The following MSL2 variants were observed in gnomAD, a reference collection of about 807,000 sequenced individuals.
MSL2 encodes MSL complex subunit 2, also known as E3 ubiquitin-protein ligase MSL2.
A neutral mutation model predicts 35.8 loss-of-function variants in MSL2; 2 were observed. The observed-to-expected ratio is 0.06, with a 90% CI of 0.02 to 0.18. The LOEUF (loss-of-function observed/expected upper bound fraction) is 0.18, where lower values mean the gene tolerates loss of function less well. MSL2 is among the 10% of genes least tolerant of loss of function. MSL2 has a pLI of 1.00. For missense variants in MSL2, 523 were observed against 706.7 expected (o/e 0.74, Z 2.95); for synonymous variants, 296 against 255.7 (o/e 1.16, Z -1.50).
intron 1 of MSL2, among the ~76,000 whole-genome samples, chr3:136,161,680 C>T (rs1003235032): frequency 6.6e-6 from 1 of 152,104 alleles, no homozygotes; most frequent in Admixed American, 6.6e-5. Flanking sequence ...ACAGTGGTTG[C>T]CTAGGGCTGA....
At chr3:136,179,010 C>G (rs1380131409) in intron 1 of MSL2, among the ~76,000 whole-genome samples, 3 of 115,426 alleles carry the variant, frequency 2.6e-5, no homozygotes, top group African/African-American at 1.0e-4. Context: ...TTTTAAGAGA[C>G]AAGGTCTCAC....
chr3:136,194,868 A>G (rs1366185899), intron 1 of MSL2, 104 bp downstream of exon 1: 73 of 1,525,382 alleles, frequency 4.8e-5, no homozygotes, highest in Middle Eastern at 1.7e-4. Flanking sequence ...ACAAATAACA[A>G]AAGCTTAATA....
rs1167083888 is a variant in MSL2, at chr3:136,195,781, A to T, written c.-668T>A. The T allele has an allele frequency of 1.0e-6, 1 of 984,634 alleles. No homozygotes were observed. Among genetic ancestry groups the T allele is most frequent in the Non-Finnish European group, 1.2e-6 (1 of 829,770 alleles). The allele number at this position is 984,634 out of a possible 1,614,324, so 61.0% of individuals were successfully genotyped here. On this transcript the variant is annotated 5_prime_UTR_variant, in exon 1 of 2. Coordinates refer to ENST00000309993, the MANE Select transcript of MSL2 (RefSeq NM_018133.4). ...CTCCGCCCCGTGGGTTGCAGCCCGC[A>T]GTTCCCCGAGGTGGCGAGGCGGGCG... is the stretch of plus-strand genomic sequence containing the variant.
chr3:136,173,715 T>G (rs1427005349), intron 1 of MSL2, among the ~76,000 whole-genome samples: 1 of 152,230 alleles, frequency 6.6e-6, no homozygotes, highest in African/African-American at 2.4e-5. Context: ...ATGATCTTTC[T>G]AAAACACAAG....
intron 1 of MSL2, among the ~76,000 whole-genome samples, chr3:136,190,789 A>C (rs1044472271): frequency 2.0e-5 from 3 of 151,944 alleles, no homozygotes; most frequent in African/African-American, 7.3e-5. Context: ...CTTTCTGATA[A>C]AGCAAGTCCA....
intron 1 of MSL2, among the ~76,000 whole-genome samples, chr3:136,188,605 C>G (rs1024913668): frequency 6.6e-6 from 1 of 151,628 alleles, no homozygotes; most frequent in Non-Finnish European, 1.5e-5. Flanking sequence ...TGAAATTTAG[C>G]AGGGCATTGA....
chr3:136,187,140 T>A (rs1940548667), intron 1 of MSL2, among the ~76,000 whole-genome samples: 1 of 152,200 alleles, frequency 6.6e-6, no homozygotes, highest in Admixed American at 6.5e-5. Flanking sequence ...GAAAGCACTG[T>A]GCTAAACATA....
intron 1 of MSL2, among the ~76,000 whole-genome samples, chr3:136,159,289 T>C (rs1576357745): frequency 6.6e-6 from 1 of 151,908 alleles, no homozygotes; most frequent in African/African-American, 2.4e-5. Flanking sequence ...AATTATTACA[T>C]TTATGGTCAA....
Position 136,152,523 on chromosome 3 carries a change from T to C in MSL2, c.358A>G (p.Ile120Val). The C allele has an allele frequency of 6.2e-7, 1 of 1,614,222 alleles. No individual in the cohort carries two copies. Among genetic ancestry groups the C allele is most frequent in the Non-Finnish European group, 8.5e-7 (1 of 1,180,030 alleles). The change falls in exon 2 of 2, where the codon ATA becomes GTA. Residue 120 changes from isoleucine to valine, a missense_variant. This residue lies in a region of MSL2 where 361 missense variants were observed against 414.6 expected (regional missense o/e 0.87). Coordinates refer to ENST00000309993, the MANE Select transcript of MSL2 (RefSeq NM_018133.4). ...TCAGAAGAACAGTCAACTGCTTCTA[T>C]TATATCCCGTGCCAGTGTAGTCTGT... The part of the protein sequence containing the change: ...ITQTTLARDI[I>V]EAVDCSSDIL...
intron 1 of MSL2, among the ~76,000 whole-genome samples, chr3:136,179,122 T>C (rs1940266971): frequency 6.6e-6 from 1 of 151,476 alleles, no homozygotes; most frequent in South Asian, 2.1e-4. Context: ...CAATTAGCTA[T>C]ACCAGTCTTA....
rs372080314 is a variant in MSL2 at position 136,155,007 on chromosome 3, A to G, written c.143-2269T>C. Among the ~76,000 whole-genome samples the G allele has an allele frequency of 3.3e-5, 5 of 152,020 alleles. No homozygotes were observed. The East Asian group carries it at 5.8e-4, about 18-fold the overall frequency. ...GGCAGATCACGAGGTCAAGAGACTG[A>G]GACCATCCTGGCCAACATGGTGAAA... is the stretch of plus-strand genomic sequence containing the variant. On this transcript the variant is annotated intron_variant, in intron 1 of 1. Transcript: ENST00000309993.
chr3:136,162,544 C>T (rs1233245363), intron 1 of MSL2, among the ~76,000 whole-genome samples: 2 of 151,988 alleles, frequency 1.3e-5, no homozygotes, highest in Non-Finnish European at 2.9e-5. Flanking sequence ...TGCGCCACTG[C>T]GGTCCAGCCT....
chr3:136,184,303 G>T lies in MSL2; in HGVS notation c.142+10669C>A, dbSNP rs567802156. Among the ~76,000 whole-genome samples, 4 of 149,446 alleles carry T rather than the reference G, an allele frequency of 2.7e-5. No homozygotes were observed. The East Asian group carries it at 8.0e-4, about 30-fold the overall frequency. Reference sequence around the variant, plus strand: ...AGAGTGAGACTCCGTCTGAAAAAAAGAATTCTATGGTTCTGGGCTGGGCAC... The same window carrying T: ...AGAGTGAGACTCCGTCTGAAAAAAATAATTCTATGGTTCTGGGCTGGGCAC... On this transcript the variant is annotated intron_variant, in intron 1 of 1. Coordinates refer to ENST00000309993, the MANE Select transcript of MSL2 (RefSeq NM_018133.4).
At chr3:136,170,933 G>A (rs1237797464) in intron 1 of MSL2, among the ~76,000 whole-genome samples, 1 of 152,120 alleles carries the variant, frequency 6.6e-6, no homozygotes, top group East Asian at 1.9e-4. Flanking sequence ...ACAATGATGG[G>A]AGGGAAAAGA....
chr3:136,168,255 G>T (rs1939906950), intron 1 of MSL2, among the ~76,000 whole-genome samples: 1 of 151,822 alleles, frequency 6.6e-6, no homozygotes, highest in South Asian at 2.1e-4. Flanking sequence ...AAAAGAAAAA[G>T]AATTAAAAAT....
At chr3:136,158,032 C>T (rs1171254880) in intron 1 of MSL2, among the ~76,000 whole-genome samples, 1 of 152,192 alleles carries the variant, frequency 6.6e-6, no homozygotes, top group Non-Finnish European at 1.5e-5. Context: ...ATACAAACCG[C>T]CGGGAGCAGT....
intron 1 of MSL2, among the ~76,000 whole-genome samples, chr3:136,173,756 T>C (rs149497628): frequency 1.4e-3 from 220 of 152,332 alleles, no homozygotes; most frequent in African/African-American, 4.9e-3. Context: ...TTGAAAACCC[T>C]TGAAGCGAAC....
At position 136,195,411 on chromosome 3, in the gene MSL2, C is replaced by A. The variant is rs1940809214; in HGVS notation, c.-298G>T. The A allele has an allele frequency of 1.8e-6, 2 of 1,125,300 alleles. No homozygotes were observed. The highest frequency in any genetic ancestry group is 1.3e-4 in the East Asian group (2 of 15,900). The allele number at this position is 1,125,300 out of a possible 1,614,324, so 69.7% of individuals were successfully genotyped here. A position where few individuals can be genotyped will look rare whatever the true frequency, so the allele number is the denominator to read the frequency against. On this transcript the variant is annotated 5_prime_UTR_variant, in exon 1 of 2. Transcript: ENST00000309993. ...CGCAGAACGCGGCGGCTTGGGCGCT[C>A]GGGGCGGGACTCGGAGCTCAGTCTA...
chr3:136,169,234 G>C (rs1050798742), intron 1 of MSL2, among the ~76,000 whole-genome samples: 1 of 55,004 alleles, frequency 1.8e-5, no homozygotes, highest in African/African-American at 6.5e-5. Context: ...GTTTTGGCGG[G>C]GGGGGGGGGG....
Sources: allele counts gnomAD v4.1 joint callset (sites outside exome capture counted in the v4.1 genomes callset), GRCh38; gene constraint gnomAD v4.1.1; regional missense constraint gnomAD v4.1.1; transcripts MANE v1.5; gene names NCBI Gene and HGNC (gene_info 2026-07-23, HGNC 2026-07-21).